GALNT14: variants seen among roughly 807,000 people sequenced by gnomAD.
GALNT14 encodes polypeptide N-acetylgalactosaminyltransferase 14.
In GALNT14, 60 loss-of-function variants were observed where a neutral mutation model predicts 77.5. The observed-to-expected ratio is 0.77, with a 90% CI of 0.63 to 0.96. GALNT14 has a LOEUF of 0.96. GALNT14 is among the 40% of genes least tolerant of loss of function. GALNT14 has a pLI of 0.00. For missense variants in GALNT14, 710 were observed against 731.0 expected, an observed-to-expected ratio of 0.97 and a Z score of 0.33; for synonymous variants, 280 against 281.7, an observed-to-expected ratio of 0.99 and a Z score of 0.06.
chr2:31,020,895 T>C (rs1428327636), intron 1 of GALNT14, among the ~76,000 whole-genome samples: 2 of 152,218 alleles, frequency 1.3e-5, no homozygotes, highest in African/African-American at 2.4e-5. Flanking sequence ...ATTTCTATAA[T>C]GCCAATTACA....
chr2:30,978,439 A>T (rs1439531487), intron 2 of GALNT14, among the ~76,000 whole-genome samples: 2 of 152,214 alleles, frequency 1.3e-5, no homozygotes, highest in Non-Finnish European at 2.9e-5. Flanking sequence ...CTTCATCTCT[A>T]AAACAAGGGT....
At chr2:31,012,706 G>A (rs929039479) in intron 1 of GALNT14, among the ~76,000 whole-genome samples, 3 of 152,100 alleles carry the variant, frequency 2.0e-5, no homozygotes, top group Admixed American at 1.3e-4. Flanking sequence ...ATGCAAACAT[G>A]CCCCTGTGTG....
chr2:31,003,479 C>A (rs1255867337), intron 1 of GALNT14, among the ~76,000 whole-genome samples: 1 of 152,174 alleles, frequency 6.6e-6, no homozygotes, highest in Non-Finnish European at 1.5e-5. Flanking sequence ...CATCTCTGAG[C>A]CCCCGGAGGG....
At chr2:31,105,845 A>T (rs1573357214) in intron 1 of GALNT14, among the ~76,000 whole-genome samples, 1 of 152,228 alleles carries the variant, frequency 6.6e-6, no homozygotes, top group Non-Finnish European at 1.5e-5. Context: ...GTATATATGT[A>T]CATACTGACA....
chr2:30,943,302 G>A (rs1413650215), intron 8 of GALNT14, among the ~76,000 whole-genome samples: 1 of 152,220 alleles, frequency 6.6e-6, no homozygotes, highest in Non-Finnish European at 1.5e-5. Flanking sequence ...GAAGGCAGGA[G>A]GGGAGCAGAT....
chr2:30,975,818 C>T (rs962847907), intron 2 of GALNT14, among the ~76,000 whole-genome samples: 3 of 152,096 alleles, frequency 2.0e-5, no homozygotes, highest in Admixed American at 6.5e-5. Context: ...TGACATTTTA[C>T]TTTGTGAGAA....
At chr2:31,122,977 C>G (rs1678490266) in intron 1 of GALNT14, among the ~76,000 whole-genome samples, 1 of 152,054 alleles carries the variant, frequency 6.6e-6, no homozygotes, top group African/African-American at 2.4e-5. Context: ...GTCAGGAGAT[C>G]AAGACCATCC....
intron 1 of GALNT14, among the ~76,000 whole-genome samples, chr2:31,014,381 G>A (rs902944541): frequency 5.3e-5 from 8 of 152,176 alleles, no homozygotes; most frequent in Non-Finnish European, 1.2e-4. Flanking sequence ...CTCATTGCAG[G>A]GAGAAGCCCC....
At chr2:31,131,239 C>T (rs1227229749) in intron 1 of GALNT14, among the ~76,000 whole-genome samples, 1 of 152,192 alleles carries the variant, frequency 6.6e-6, no homozygotes, top group Non-Finnish European at 1.5e-5. Context: ...CTCTCTATCT[C>T]CTGCCGCTTG....
chr2:31,004,041 G>T (rs1670523365), intron 1 of GALNT14, among the ~76,000 whole-genome samples: 1 of 152,224 alleles, frequency 6.6e-6, no homozygotes, highest in Non-Finnish European at 1.5e-5. Flanking sequence ...GGGCATCCTG[G>T]ATTGCTAGTC....
At chr2:31,028,648 A>C (rs576364795) in intron 1 of GALNT14, among the ~76,000 whole-genome samples, 2 of 152,294 alleles carry the variant, frequency 1.3e-5, no homozygotes, top group Admixed American at 1.3e-4. Flanking sequence ...TAGCGGTGAA[A>C]CACCAGGGGC....
chr2:30,936,040 T>C (rs1014940940), intron 9 of GALNT14, among the ~76,000 whole-genome samples: 4 of 152,214 alleles, frequency 2.6e-5, no homozygotes, highest in Admixed American at 2.0e-4. Flanking sequence ...TGAATGCCAC[T>C]TCACGGAGAC....
chr2:30,904,218 C>A, the GALNT14 span, among the ~76,000 whole-genome samples: 158 of 152,252 alleles, frequency 1.0e-3, 6 homozygotes, highest in East Asian at 0.026. Context: ...CCAAGATGGC[C>A]GAATAGGAAC....
chr2:30,999,626 A>G (rs965588648), intron 1 of GALNT14, among the ~76,000 whole-genome samples: 2 of 152,224 alleles, frequency 1.3e-5, no homozygotes, highest in South Asian at 4.1e-4. Flanking sequence ...ATCACCCAGC[A>G]TAGAGGCTAC....
intron 1 of GALNT14, among the ~76,000 whole-genome samples, chr2:31,076,409 C>G (rs1223856429): frequency 6.6e-6 from 1 of 152,104 alleles, no homozygotes; most frequent in Non-Finnish European, 1.5e-5. Context: ...CAACTCTGCT[C>G]CTGTCTCCAC....
At chr2:31,063,684 A>G (rs1193935494) in intron 1 of GALNT14, among the ~76,000 whole-genome samples, 3 of 152,166 alleles carry the variant, frequency 2.0e-5, no homozygotes, top group African/African-American at 7.2e-5. Context: ...GATTCTTCCT[A>G]TCTATGAGCA....
intron 1 of GALNT14, among the ~76,000 whole-genome samples, chr2:31,102,925 C>G (rs1454412209): frequency 2.0e-5 from 3 of 151,992 alleles, no homozygotes; most frequent in African/African-American, 7.2e-5. Context: ...ATAACTACTA[C>G]TTTTTATATC....
At position 30,989,629 on chromosome 2, in the gene GALNT14, TAA is replaced by T. The variant is rs1347201718; in HGVS notation, c.299+3207_299+3208del. 1.1e-4 allele frequency among the ~76,000 whole-genome samples: 16 copies of T among 140,212 alleles called. 1 individual carries two copies. The East Asian group carries it at 2.4e-3, about 21-fold the overall frequency. The allele number at this position is 140,212 out of a possible 152,430, so 92.0% of individuals were successfully genotyped here. A position where few individuals can be genotyped will look rare whatever the true frequency, so the allele number is the denominator to read the frequency against. The stretch of plus-strand genomic sequence containing the variant: ...ATATAAAAATATATATTAGTATATA[TAA>T]AAATATATATATTAGTATATATTAA... On this transcript the variant is annotated intron_variant, in intron 2 of 14. Transcript: ENST00000349752.
chr2:31,006,359 G>C (rs1670675064), intron 1 of GALNT14, among the ~76,000 whole-genome samples: 1 of 151,926 alleles, frequency 6.6e-6, no homozygotes, highest in Non-Finnish European at 1.5e-5. Context: ...GCAACTAATA[G>C]TGGTGTAGCG....
Sources: allele counts gnomAD v4.1 joint callset (sites outside exome capture counted in the v4.1 genomes callset), GRCh38; gene constraint gnomAD v4.1.1; transcripts MANE v1.5; gene names NCBI Gene and HGNC (gene_info 2026-07-23, HGNC 2026-07-21).